LAMB1: variants seen among roughly 807,000 people sequenced by gnomAD.
The protein encoded by LAMB1 is laminin subunit beta-1.
In LAMB1, 121 loss-of-function variants were observed where a neutral mutation model predicts 222.3. The observed-to-expected ratio is 0.54, with a 90% CI of 0.47 to 0.63. LAMB1 has a LOEUF of 0.63. LAMB1 is among the 30% of genes least tolerant of loss of function. The probability of loss-of-function intolerance (pLI) is 0.00; values close to 1 mark genes in which losing one functional copy is unlikely to be tolerated. For synonymous variants in LAMB1, 794 were observed against 807.2 expected, an observed-to-expected ratio of 0.98 and a Z score of 0.28; for missense variants, 2,172 against 2,240.8, an observed-to-expected ratio of 0.97 and a Z score of 0.62.
intron 20 of LAMB1, among the ~76,000 whole-genome samples, chr7:107,956,163 C>T (rs1422157501): frequency 3.9e-5 from 6 of 151,940 alleles, no homozygotes; most frequent in Non-Finnish European, 8.8e-5. Flanking sequence ...TCCCAAAGTG[C>T]TGGGATTACA....
chr7:107,969,058 G>A (rs1377778037), intron 13 of LAMB1, among the ~76,000 whole-genome samples: 1 of 152,142 alleles, frequency 6.6e-6, no homozygotes, highest in Non-Finnish European at 1.5e-5. Context: ...GGAGTCCGAG[G>A]CGAGCGGATC....
chr7:107,941,875 C>A (rs1279807485), intron 24 of LAMB1, among the ~76,000 whole-genome samples: 1 of 121,816 alleles, frequency 8.2e-6, no homozygotes, highest in Non-Finnish European at 1.6e-5. Flanking sequence ...CGGTGTTTCT[C>A]CATGTTGGTC....
intron 13 of LAMB1, among the ~76,000 whole-genome samples, chr7:107,967,049 CTTCTCTAT>C (rs955265027): frequency 2.6e-5 from 4 of 152,218 alleles, no homozygotes; most frequent in African/African-American, 9.6e-5. Flanking sequence ...CTGGGCTCTG[CTTCTCTAT>C]TTCCAGCCAT....
intron 24 of LAMB1, among the ~76,000 whole-genome samples, chr7:107,950,923 G>GT (rs2033229162): frequency 6.8e-6 from 1 of 147,750 alleles, no homozygotes; most frequent in Non-Finnish European, 1.5e-5. Context: ...GTGTATTTGT[G>GT]GTGTGTGTGT....
chr7:107,961,567 G>A lies in LAMB1; in HGVS notation c.1967C>T (p.Ser656Leu). 1 of 1,613,868 alleles carries A rather than the reference G, an allele frequency of 6.2e-7. No homozygotes were observed. The highest frequency in any genetic ancestry group is 8.5e-7 in the Non-Finnish European group (1 of 1,179,788). ...TIPDDDNQVV[S>L]LSPGSRYVVL... The stretch of plus-strand genomic sequence containing the variant: ...CACTGACCTTGAGCCTGGTGATAAT[G>A]ACACCACCTGGTTGTCATCATCGGG... The change falls in exon 16 of 34, where the codon TCA becomes TTA. Residue 656 changes from serine to leucine, a missense_variant. Coordinates refer to ENST00000222399, the MANE Select transcript of LAMB1 (RefSeq NM_002291.3).
Position 107,970,005 on chromosome 7 carries a change from G to C in LAMB1, c.1562+2987C>G, listed in dbSNP as rs538732735. Among the ~76,000 whole-genome samples, 5 of 152,298 alleles carry C rather than the reference G, an allele frequency of 3.3e-5. No homozygotes were observed. In the South Asian group the frequency reaches 1.0e-3, roughly 32 times the overall value. Reference sequence around the variant, plus strand: ...TGGATTCGAAGTACAATAAATTTTAGTCCCTCATTTATTGAGTACCTGCCA... The same window carrying C: ...TGGATTCGAAGTACAATAAATTTTACTCCCTCATTTATTGAGTACCTGCCA... On this transcript the variant is annotated intron_variant, in intron 13 of 33. Transcript: ENST00000222399.
chr7:107,981,461 A>T (rs2033972673), intron 7 of LAMB1, among the ~76,000 whole-genome samples: 1 of 152,012 alleles, frequency 6.6e-6, no homozygotes, highest in Admixed American at 6.6e-5. Flanking sequence ...AAAAAAAAAA[A>T]AATTAGCCAG....
Position 107,929,065 on chromosome 7 carries a change from G to C in LAMB1, c.4886C>G (p.Ser1629Trp), listed in dbSNP as rs192862218. The C allele has an allele frequency of 1.2e-6, 2 of 1,613,658 alleles. No homozygotes were observed. Among genetic ancestry groups the C allele is most frequent in the Admixed American group, 3.3e-5 (2 of 59,996 alleles). The change falls in exon 31 of 34, where the codon TCG (serine) becomes TGG (tryptophan). Residue 1629 changes from serine (S) to tryptophan (W), a missense_variant and splice_region_variant. Physicochemically the swap from Ser to Trp is radical, Grantham distance 177. Transcript: ENST00000222399. ...DIQGTQNLLT[S>W]IESETAASEE... ...CATGTAATGATTGTGTATGCCTACC[G>C]AAGTTAACAGGTTCTGGGTTCCTTG...
At chr7:107,941,655 ATTTTTT>A (rs35218754) in intron 24 of LAMB1, among the ~76,000 whole-genome samples, 2,215 of 143,612 alleles carry the variant, frequency 0.015, 14 homozygotes, top group Non-Finnish European at 0.022. Context: ...GCTTTCTCGG[ATTTTTT>A]TTTTTTTTTG....
intron 20 of LAMB1, among the ~76,000 whole-genome samples, chr7:107,957,810 T>G (rs1030538110): frequency 6.6e-6 from 1 of 152,182 alleles, no homozygotes; most frequent in Non-Finnish European, 1.5e-5. Flanking sequence ...AAAAGAATGA[T>G]GAGAAACTGG....
intron 2 of LAMB1, chr7:108,001,958 G>A: frequency 6.9e-7 from 1 of 1,452,976 alleles, no homozygotes; most frequent in Non-Finnish European, 9.1e-7. Flanking sequence ...CACGTCATCA[G>A]GTCTGTCCAG....
intron 5 of LAMB1, among the ~76,000 whole-genome samples, chr7:107,990,745 T>C (rs2150449790): frequency 6.6e-6 from 1 of 152,332 alleles, no homozygotes. Context: ...CAGGGGCACC[T>C]CATCTTGGCA....
Position 108,002,951 on chromosome 7 carries a change from C to A in LAMB1, c.-66G>T. On this transcript the variant is annotated 5_prime_UTR_variant, in exon 2 of 34. Coordinates refer to ENST00000222399, the MANE Select transcript of LAMB1 (RefSeq NM_002291.3). ...AGAAGACGCCCGCCGAGCCGCCTGC[C>A]CTTTCTTCCCGTCTTCCTTTCTGGA... 6.2e-7 allele frequency: 1 copy of A among 1,608,842 alleles called. No individual in the cohort carries two copies. Among genetic ancestry groups the A allele is most frequent in the Non-Finnish European group, 8.5e-7 (1 of 1,178,600 alleles).
At chr7:107,925,745 A>C (rs1055997786) in intron 32 of LAMB1, among the ~76,000 whole-genome samples, 8 of 152,268 alleles carry the variant, frequency 5.3e-5, no homozygotes, top group African/African-American at 1.7e-4. Flanking sequence ...CAAAGAGATA[A>C]GATTTGGTTT....
Position 107,940,283 on chromosome 7 carries a change from C to T in LAMB1, c.3467G>A (p.Gly1156Asp). 1.2e-6 allele frequency: 2 copies of T among 1,614,224 alleles called. No individual in the cohort carries two copies. The highest frequency in any genetic ancestry group is 2.2e-5 in the East Asian group (1 of 44,878). The change falls in exon 25 of 34, where the codon GGT (glycine) becomes GAT (aspartate). Residue 1156 changes from glycine to aspartate, a missense_variant. Gly to Asp is a moderately conservative substitution (Grantham distance 94). Coordinates refer to ENST00000222399, the MANE Select transcript of LAMB1 (RefSeq NM_002291.3). Reference protein sequence around the residue: ...QSTGQCVCVEGVEGPRCDKCT... With the variant: ...QSTGQCVCVEDVEGPRCDKCT... ...CTTGTCACAGCGTGGACCCTCAACA[C>T]CCTCAACGCAGACACACTGGCCCGT...
intron 27 of LAMB1, among the ~76,000 whole-genome samples, chr7:107,934,472 GA>G (rs1199310080): frequency 6.6e-6 from 1 of 152,172 alleles, no homozygotes; most frequent in Non-Finnish European, 1.5e-5. Flanking sequence ...GGAAGAGGAA[GA>G]AACAGGCTCA....
At chr7:107,937,394 G>T in intron 25 of LAMB1, 117 bp from the exon 26 acceptor site, 1 of 751,888 alleles carries the variant, frequency 1.3e-6, no homozygotes, top group Non-Finnish European at 2.2e-6. Flanking sequence ...TCAGTAATTT[G>T]TAACATTTCA....
intron 24 of LAMB1, among the ~76,000 whole-genome samples, chr7:107,947,802 G>A (rs2116380791): frequency 6.6e-6 from 1 of 152,012 alleles, no homozygotes; most frequent in African/African-American, 2.4e-5. Flanking sequence ...TATTATTATT[G>A]GCTCCTGCAT....
Position 107,932,329 on chromosome 7 carries a change from C to T in LAMB1, c.4237G>A (p.Gly1413Arg), listed in dbSNP as rs369198991. The T allele has an allele frequency of 1.9e-5, 30 of 1,614,058 alleles. No homozygotes were observed. Among genetic ancestry groups the T allele is most frequent in the African/African-American group, 8.0e-5 (6 of 74,916 alleles). Residue 1413 changes from glycine to arginine, a missense_variant, in exon 28 of 34, where the codon GGG becomes AGG. Coordinates refer to ENST00000222399, the MANE Select transcript of LAMB1 (RefSeq NM_002291.3). ...GASCSETECG[G>R]PNCRTDEGER... ...CCTTCGTCAGTTCTGCAGTTTGGCC[C>T]GCCACATTCAGTCTCGGAACAGGAG...
Sources: gnomAD v4.1 joint callset for allele counts (sites outside exome capture counted in the v4.1 genomes callset) on GRCh38, gnomAD v4.1.1 for gene constraint, MANE v1.5 for transcripts, NCBI Gene and HGNC (gene_info 2026-07-23, HGNC 2026-07-21) for gene names.